Variants in TENM2 observed in about 807,000 individuals in gnomAD.
TENM2 encodes the protein teneurin-2.
Under a neutral mutation model 245.2 loss-of-function variants are expected in TENM2, and 52 were observed. The observed-to-expected ratio is 0.21, with a 90% CI of 0.17 to 0.27. TENM2 has a LOEUF of 0.27. Ranked by LOEUF, TENM2 falls within the 10% of genes least tolerant of loss-of-function variation. TENM2 has a pLI of 1.00. For missense variants in TENM2, 3,046 were observed against 3,666.8 expected (o/e 0.83, Z 4.37); for synonymous variants, 1,363 against 1,438.9 (o/e 0.95, Z 1.19).
intron 2 of TENM2, among the ~76,000 whole-genome samples, chr5:167,483,706 G>A (rs1358958174): frequency 6.6e-6 from 1 of 152,094 alleles, no homozygotes; most frequent in Non-Finnish European, 1.5e-5. Flanking sequence ...CAAATAAACT[G>A]TCTCAAAATC....
At position 168,069,203 on chromosome 5, in the gene TENM2, G is replaced by A. The variant is rs181644320; in HGVS notation, c.1515+6938G>A. Among the ~76,000 whole-genome samples, 62 of 152,272 alleles carry A rather than the reference G, an allele frequency of 4.1e-4. No homozygotes were observed. The East Asian group carries it at 0.011, about 27-fold the overall frequency. On this transcript the variant is annotated intron_variant, in intron 7 of 28. Transcript: ENST00000518659. ...ACAGTATCCATCAGTGCAATTGCTTGTATGACTTTATCTGAGCAGACACAC... is the reference window on the plus strand; with the variant it reads ...ACAGTATCCATCAGTGCAATTGCTTATATGACTTTATCTGAGCAGACACAC...
chr5:167,183,226 A>G, the TENM2 span, among the ~76,000 whole-genome samples: 1 of 152,084 alleles, frequency 6.6e-6, no homozygotes, highest in Non-Finnish European at 1.5e-5. Flanking sequence ...TGCTGGTTTG[A>G]TGATGTATTC....
chr5:167,746,227 A>C (rs1402252087), intron 2 of TENM2, among the ~76,000 whole-genome samples: 4 of 152,176 alleles, frequency 2.6e-5, no homozygotes, highest in Admixed American at 1.3e-4. Flanking sequence ...CGAAGCTTGC[A>C]CACGAAACCC....
intron 27 of TENM2, among the ~76,000 whole-genome samples, chr5:168,258,465 C>T (rs1056799262): frequency 6.6e-6 from 1 of 152,100 alleles, no homozygotes; most frequent in Admixed American, 6.6e-5. Context: ...CGCGCCACTG[C>T]ACTCCAGCCT....
rs5873053 is a variant in TENM2, at chr5:167,656,943, CT to C, written c.503-219029del. Among the ~76,000 whole-genome samples, 866 of 142,302 alleles carry C rather than the reference CT, an allele frequency of 6.1e-3. 7 individuals carry two copies. Among genetic ancestry groups the C allele is most frequent in the Non-Finnish European group, 8.4e-3 (543 of 64,806 alleles). 93.4% of individuals were successfully genotyped at this position (142,302 alleles called of 152,430 possible). A position where few individuals can be genotyped will look rare whatever the true frequency, so the allele number is the denominator to read the frequency against. The stretch of plus-strand genomic sequence containing the variant: ...CGTATCTATCTTCTCAAAGATTTAT[CT>C]TTTTTTTTTTTTTGCATTGGAAACA... On this transcript the variant is annotated intron_variant, in intron 2 of 28. Coordinates refer to ENST00000518659, the Ensembl canonical transcript of TENM2.
At chr5:168,031,757 A>G (rs1422003995) in intron 5 of TENM2, among the ~76,000 whole-genome samples, 1 of 141,604 alleles carries the variant, frequency 7.1e-6, no homozygotes, top group Non-Finnish European at 1.5e-5. Flanking sequence ...GGAAGGGAGG[A>G]AAGGAGGAAG....
At chr5:167,301,145 C>T (rs948635308) in intron 1 of TENM2, among the ~76,000 whole-genome samples, 4 of 152,170 alleles carry the variant, frequency 2.6e-5, no homozygotes, top group Non-Finnish European at 5.9e-5. Flanking sequence ...GATCGGGCAG[C>T]GTCAGTCTTC....
At chr5:167,420,731 A>G (rs529180806) in intron 2 of TENM2, among the ~76,000 whole-genome samples, 65 of 152,160 alleles carry the variant, frequency 4.3e-4, no homozygotes, top group African/African-American at 1.5e-3. Flanking sequence ...TCTTTTTCCG[A>G]CAGCACCATC....
the TENM2 span, among the ~76,000 whole-genome samples, chr5:167,084,428 A>G: frequency 6.9e-6 from 1 of 144,206 alleles, no homozygotes; most frequent in Admixed American, 7.2e-5. Context: ...GTTGAAATTC[A>G]GTAACAGCAA....
the TENM2 span, among the ~76,000 whole-genome samples, chr5:167,208,614 G>A: frequency 6.6e-6 from 1 of 152,180 alleles, no homozygotes; most frequent in African/African-American, 2.4e-5. Context: ...CTGAGTTGGA[G>A]GGTTGTCTTC....
the TENM2 span, among the ~76,000 whole-genome samples, chr5:167,169,114 A>C: frequency 9.9e-5 from 15 of 152,122 alleles, no homozygotes; most frequent in Middle Eastern, 3.2e-3. Flanking sequence ...AAGCGTCTGT[A>C]CAGAGGGATA....
intron 13 of TENM2, among the ~76,000 whole-genome samples, chr5:168,184,637 G>C (rs1760225733): frequency 6.6e-6 from 1 of 152,186 alleles, no homozygotes; most frequent in Non-Finnish European, 1.5e-5. Flanking sequence ...CTATGAGAAT[G>C]ATGATGCAAG....
In TENM2 at chr5:167,513,563, C is replaced by T. The variant is rs141020953; in HGVS notation, c.502+138090C>T. 3.4e-3 allele frequency among the ~76,000 whole-genome samples: 515 copies of T among 152,198 alleles called. 3 individuals carry two copies. Among genetic ancestry groups the T allele is most frequent in the African/African-American group, 0.012 (494 of 41,534 alleles). ...AAATGTTTGTTTTGGCATGTGGTGCCGTCTTTGGTATACATGCCATTTGCA... is the reference window on the plus strand; with the variant it reads ...AAATGTTTGTTTTGGCATGTGGTGCTGTCTTTGGTATACATGCCATTTGCA... On this transcript the variant is annotated intron_variant, in intron 2 of 28. Transcript: ENST00000518659.
chr5:167,123,741 T>C, the TENM2 span, among the ~76,000 whole-genome samples: 2 of 152,190 alleles, frequency 1.3e-5, no homozygotes, highest in Non-Finnish European at 2.9e-5. Flanking sequence ...AGTAGATAAA[T>C]GCATCTGAAA....
At chr5:168,229,770 T>TTAAG (rs934280674) in intron 25 of TENM2, 3 of 152,196 alleles carry the variant, frequency 2.0e-5, no homozygotes, top group East Asian at 1.9e-4. Context: ...TGGCTGAAGT[T>TTAAG]TAAGTCAAGT....
At chr5:167,357,839 C>A (rs746005624) in intron 1 of TENM2, among the ~76,000 whole-genome samples, 1 of 152,124 alleles carries the variant, frequency 6.6e-6, no homozygotes, top group Non-Finnish European at 1.5e-5. Flanking sequence ...TCTAAGCCTC[C>A]AGCACCTCCT....
At chr5:167,733,666 T>C (rs975164731) in intron 2 of TENM2, among the ~76,000 whole-genome samples, 7 of 152,244 alleles carry the variant, frequency 4.6e-5, no homozygotes, top group African/African-American at 1.7e-4. Flanking sequence ...TTTACATATG[T>C]AGCTGCTAAC....
At chr5:168,138,278 G>A (rs753326314) in intron 12 of TENM2, among the ~76,000 whole-genome samples, 6 of 152,146 alleles carry the variant, frequency 3.9e-5, no homozygotes, top group African/African-American at 7.2e-5. Flanking sequence ...CTGTAAATTG[G>A]GAATAATAAA....
intron 5 of TENM2, among the ~76,000 whole-genome samples, chr5:168,024,076 C>G (rs1029892586): frequency 6.6e-6 from 1 of 152,106 alleles, no homozygotes; most frequent in Non-Finnish European, 1.5e-5. Flanking sequence ...CAGATAGACT[C>G]CAAATTCAAG....
Sources: allele counts gnomAD v4.1 joint callset (sites outside exome capture counted in the v4.1 genomes callset), GRCh38; gene constraint gnomAD v4.1.1; transcripts MANE v1.5; gene names NCBI Gene and HGNC (gene_info 2026-07-23, HGNC 2026-07-21).